The following LMX1A variants were observed in gnomAD, a reference collection of about 807,000 sequenced individuals.
The protein encoded by LMX1A is LIM homeobox transcription factor 1 alpha.
A neutral mutation model predicts 49.1 loss-of-function variants in LMX1A; 15 were observed. The ratio of observed to expected loss-of-function variants is 0.31; its 90% CI spans 0.20 to 0.47. LMX1A has a LOEUF of 0.47. LMX1A is among the 20% of genes least tolerant of loss of function. The pLI is 1.00. For missense variants in LMX1A, 372 were observed against 475.8 expected, an observed-to-expected ratio of 0.78 and a Z score of 2.03; for synonymous variants, 167 against 185.7, an observed-to-expected ratio of 0.90 and a Z score of 0.82.
intron 4 of LMX1A, among the ~76,000 whole-genome samples, chr1:165,231,931 T>C (rs1652254462): frequency 6.6e-6 from 1 of 152,200 alleles, no homozygotes; most frequent in South Asian, 2.1e-4. Flanking sequence ...TCCAAATGCA[T>C]TGAGAGCACA....
intron 3 of LMX1A, among the ~76,000 whole-genome samples, chr1:165,269,821 C>A (rs1653741368): frequency 6.6e-6 from 1 of 152,164 alleles, no homozygotes; most frequent in Admixed American, 6.5e-5. Flanking sequence ...CATGTTCTCA[C>A]TTATAAGTGG....
At chr1:165,314,121 C>T (rs564836190) in intron 3 of LMX1A, among the ~76,000 whole-genome samples, 1 of 152,350 alleles carries the variant, frequency 6.6e-6, no homozygotes, top group East Asian at 1.9e-4. Flanking sequence ...ACTCCACAAG[C>T]TCACACCTCC....
Position 165,256,326 on chromosome 1 carries a change from T to A in LMX1A, c.264-6686A>T, listed in dbSNP as rs562836415. On this transcript the variant is annotated intron_variant, in intron 3 of 8. Transcript: ENST00000342310. Reference sequence around the variant, plus strand: ...GGGACCTCAGAAAAGCCACCACCTTTCCCTGAATCTTGGTTATCTTATCAT... The same window carrying A: ...GGGACCTCAGAAAAGCCACCACCTTACCCTGAATCTTGGTTATCTTATCAT... Among the ~76,000 whole-genome samples the A allele has an allele frequency of 7.6e-4, 115 of 152,214 alleles. 1 individual carries two copies. Among genetic ancestry groups the A allele is most frequent in the African/African-American group, 2.7e-3 (113 of 41,526 alleles).
intron 3 of LMX1A, among the ~76,000 whole-genome samples, chr1:165,263,288 CT>C (rs780291653): frequency 6.6e-6 from 1 of 152,204 alleles, no homozygotes; most frequent in Non-Finnish European, 1.5e-5. Context: ...TAATCACAGT[CT>C]CAAACTTAAC....
intron 4 of LMX1A, among the ~76,000 whole-genome samples, chr1:165,221,074 A>G (rs1274790108): frequency 1.3e-5 from 2 of 152,186 alleles, no homozygotes; most frequent in Non-Finnish European, 2.9e-5. Flanking sequence ...CTGAGGCCCA[A>G]GAAGAAAGTA....
intron 5 of LMX1A, 53 bp from the exon 6 acceptor site, chr1:165,210,829 G>T: frequency 7.5e-7 from 1 of 1,332,892 alleles, no homozygotes; most frequent in Non-Finnish European, 1.1e-6. Context: ...AGGGTAGGAG[G>T]TAGAACATCT....
chr1:165,254,741 T>TC (rs1214171543), intron 3 of LMX1A, among the ~76,000 whole-genome samples: 4 of 152,098 alleles, frequency 2.6e-5, no homozygotes, highest in African/African-American at 7.2e-5. Flanking sequence ...CATGGTTACT[T>TC]CCCCCACTGA....
intron 3 of LMX1A, among the ~76,000 whole-genome samples, chr1:165,299,052 A>G (rs1472073645): frequency 6.6e-6 from 1 of 152,214 alleles, no homozygotes; most frequent in Admixed American, 6.5e-5. Flanking sequence ...CAGAGAGGCT[A>G]AATAACTTGT....
chr1:165,356,287 C>T (rs1656616795), intron 1 of LMX1A, 68 bp downstream of exon 1: 1 of 152,284 alleles, frequency 6.6e-6, no homozygotes, highest in African/African-American at 2.4e-5. Context: ...CTCTTGGATG[C>T]ATTTCAAGTC....
chr1:165,311,276 T>G (rs1287917763), intron 3 of LMX1A, among the ~76,000 whole-genome samples: 3 of 152,236 alleles, frequency 2.0e-5, no homozygotes, highest in African/African-American at 7.2e-5. Flanking sequence ...TTCCTAATTA[T>G]ATGAAAAATG....
At chr1:165,276,376 A>C (rs1214338566) in intron 3 of LMX1A, among the ~76,000 whole-genome samples, 1 of 152,238 alleles carries the variant, frequency 6.6e-6, no homozygotes, top group African/African-American at 2.4e-5. Flanking sequence ...CAGCTGAGGC[A>C]GCCGCCTCTC....
intron 3 of LMX1A, among the ~76,000 whole-genome samples, chr1:165,313,582 A>G (rs1013885282): frequency 6.6e-6 from 1 of 151,780 alleles, no homozygotes; most frequent in Non-Finnish European, 1.5e-5. Flanking sequence ...GCAACAAAAA[A>G]TGGTATGGAA....
At chr1:165,353,481 C>T (rs890442633) in intron 2 of LMX1A, among the ~76,000 whole-genome samples, 1 of 152,040 alleles carries the variant, frequency 6.6e-6, no homozygotes, top group African/African-American at 2.4e-5. Flanking sequence ...TAATTCCAAG[C>T]GGGGGAGGGT....
intron 3 of LMX1A, among the ~76,000 whole-genome samples, chr1:165,272,782 T>C (rs1416593222): frequency 6.6e-6 from 1 of 152,058 alleles, no homozygotes; most frequent in Non-Finnish European, 1.5e-5. Flanking sequence ...CTATGAGCGA[T>C]AGTTATTGAT....
At chr1:165,259,237 A>G (rs761742171) in intron 3 of LMX1A, among the ~76,000 whole-genome samples, 1 of 152,194 alleles carries the variant, frequency 6.6e-6, no homozygotes, top group South Asian at 2.1e-4. Flanking sequence ...CAACTGTGAA[A>G]GGCCAAACAC....
intron 3 of LMX1A, among the ~76,000 whole-genome samples, chr1:165,256,138 T>A (rs1430957484): frequency 2.0e-5 from 3 of 152,106 alleles, no homozygotes; most frequent in Admixed American, 6.5e-5. Context: ...CAGAACATGC[T>A]CCTTACACCA....
Position 165,249,449 on chromosome 1 carries a change from C to T in LMX1A, c.455G>A (p.Arg152Gln), listed in dbSNP as rs766469252. ...LLCKGDYEKERELLSLVSPAA... is the reference protein window; with the variant it reads ...LLCKGDYEKEQELLSLVSPAA... ...TGGGCTCACCAGGCTGAGCAGCTCC[C>T]GCTCCTTCTCATAGTCCCCTTTGCA... The change falls in exon 4 of 9, where the codon CGG becomes CAG. Residue 152 changes from arginine to glutamine, a missense_variant. Physicochemically the swap from Arg to Gln is conservative, Grantham distance 43. Around this residue, in one of 3 missense-constraint regions of LMX1A, gnomAD observed 199 missense variants for 244.0 expected, o/e 0.82. Transcript: ENST00000342310. The T allele has an allele frequency of 2.3e-5, 37 of 1,614,012 alleles. No homozygotes were observed. Among genetic ancestry groups the T allele is most frequent in the South Asian group, 4.4e-5 (4 of 91,078 alleles).
intron 4 of LMX1A, among the ~76,000 whole-genome samples, chr1:165,227,308 C>T (rs1214454125): frequency 5.3e-5 from 8 of 152,136 alleles, no homozygotes; most frequent in East Asian, 1.9e-4. Context: ...GAGGCCAAGG[C>T]GGGTGGATCA....
intron 3 of LMX1A, among the ~76,000 whole-genome samples, chr1:165,287,881 T>C (rs1001171623): frequency 3.3e-5 from 5 of 152,364 alleles, no homozygotes; most frequent in African/African-American, 1.2e-4. Flanking sequence ...TTCCCAGGAA[T>C]GCTGCTATTG....
Sources: allele counts gnomAD v4.1 joint callset (sites outside exome capture counted in the v4.1 genomes callset), GRCh38; gene constraint gnomAD v4.1.1; regional missense constraint gnomAD v4.1.1; transcripts MANE v1.5; gene names NCBI Gene and HGNC (gene_info 2026-07-23, HGNC 2026-07-21).